RAB38: variants seen among roughly 807,000 people sequenced by gnomAD.
RAB38 encodes RAB38, member RAS oncogene family, also known as ras-related protein Rab-38.
RAB38 carries 15 observed loss-of-function variants against 18.4 expected under a neutral mutation model. The observed-to-expected ratio is 0.82, with a 90% CI of 0.55 to 1.26. RAB38 has a LOEUF of 1.26. RAB38 is among the 50% of genes most tolerant of loss of function. The pLI, the probability that RAB38 is intolerant of heterozygous loss-of-function variation, is 0.00. For synonymous variants in RAB38, 101 were observed against 104.4 expected (o/e 0.97, Z 0.20); for missense variants, 294 against 267.4 (o/e 1.10, Z -0.69).
the RAB38 span, among the ~76,000 whole-genome samples, chr11:87,829,664 C>T: frequency 6.6e-5 from 10 of 152,254 alleles, no homozygotes; most frequent in African/African-American, 2.4e-4. Context: ...GGTGGAGACA[C>T]AGGCTTAACT....
intron 2 of RAB38, among the ~76,000 whole-genome samples, chr11:88,134,700 T>C (rs929286111): frequency 1.1e-4 from 16 of 152,228 alleles, no homozygotes; most frequent in African/African-American, 3.9e-4. Flanking sequence ...CACAATCTCA[T>C]TCTTAAATAT....
Position 88,175,391 on chromosome 11 carries a change from G to T in RAB38, c.-7C>A, listed in dbSNP as rs775692511. On this transcript the variant is annotated 5_prime_UTR_variant, in exon 1 of 3. Coordinates refer to ENST00000243662, the MANE Select transcript of RAB38 (RefSeq NM_022337.3). ...CCTTGTGCGGGGCCTGCATCCTGGC[G>T]GCCGGCCAGACGTGCCGTGCCTGAC... The T allele has an allele frequency of 1.2e-6, 2 of 1,613,894 alleles. No individual in the cohort carries two copies. The highest frequency in any genetic ancestry group is 1.7e-6 in the Non-Finnish European group (2 of 1,180,002).
At chr11:88,115,554 A>C (rs905300663) in intron 2 of RAB38, 8 of 152,240 alleles carry the variant, frequency 5.3e-5, no homozygotes, top group Non-Finnish European at 7.3e-5. Flanking sequence ...AGACAAGTAT[A>C]GCCTAATTAT....
At chr11:87,942,954 TAATGCAGGGA>T in the RAB38 span, among the ~76,000 whole-genome samples, 1 of 152,162 alleles carries the variant, frequency 6.6e-6, no homozygotes, top group African/African-American at 2.4e-5. Context: ...TTTATTCCTT[TAATGCAGGGA>T]ACCTGGGAAC....
At chr11:87,848,413 T>C in the RAB38 span, among the ~76,000 whole-genome samples, 1 of 152,152 alleles carries the variant, frequency 6.6e-6, no homozygotes, top group African/African-American at 2.4e-5. Context: ...CCTCCTAAAA[T>C]ACTGGAAGTT....
chr11:87,808,398 A>G, the RAB38 span, among the ~76,000 whole-genome samples: 5,521 of 152,296 alleles, frequency 0.036, 145 homozygotes, highest in Non-Finnish European at 0.056. Context: ...ATATCCTGTT[A>G]TTTGTGACAA....
chr11:88,094,298 C>T, the RAB38 span, among the ~76,000 whole-genome samples: 3 of 151,928 alleles, frequency 2.0e-5, no homozygotes, highest in Non-Finnish European at 4.4e-5. Context: ...CTTGCCATCA[C>T]TCTCCAAGTC....
At chr11:87,834,519 G>A in the RAB38 span, among the ~76,000 whole-genome samples, 2 of 152,148 alleles carry the variant, frequency 1.3e-5, no homozygotes, top group Admixed American at 1.3e-4. Flanking sequence ...AGTTATGACT[G>A]GAAGTGGCAG....
At chr11:88,040,160 G>C in the RAB38 span, among the ~76,000 whole-genome samples, 8 of 152,168 alleles carry the variant, frequency 5.3e-5, no homozygotes, top group African/African-American at 1.9e-4. Flanking sequence ...ATAACAAAGT[G>C]CAACAGACTA....
At chr11:88,154,497 CA>C (rs1390246337) in intron 1 of RAB38, among the ~76,000 whole-genome samples, 2 of 152,184 alleles carry the variant, frequency 1.3e-5, no homozygotes, top group Non-Finnish European at 2.9e-5. Context: ...TGCAGGTGTC[CA>C]GCCTGCTCCC....
At chr11:87,915,793 T>C in the RAB38 span, among the ~76,000 whole-genome samples, 2 of 152,110 alleles carry the variant, frequency 1.3e-5, no homozygotes, top group East Asian at 3.9e-4. Flanking sequence ...AACCTTGTCT[T>C]GGGGTCTGAA....
chr11:88,154,187 G>A (rs930897862), intron 1 of RAB38, among the ~76,000 whole-genome samples: 2 of 152,196 alleles, frequency 1.3e-5, no homozygotes, highest in African/African-American at 4.8e-5. Flanking sequence ...AGGAAAAGAC[G>A]TGAGGAACAG....
chr11:87,928,118 G>GA, the RAB38 span, among the ~76,000 whole-genome samples: 3 of 151,736 alleles, frequency 2.0e-5, no homozygotes, highest in African/African-American at 7.3e-5. Flanking sequence ...AAGAAAGAAA[G>GA]AAGGAAGAGA....
chr11:87,855,012 G>A, the RAB38 span, among the ~76,000 whole-genome samples: 1 of 152,048 alleles, frequency 6.6e-6, no homozygotes, highest in African/African-American at 2.4e-5. Context: ...AGCCAGGATG[G>A]TCTCGATCTC....
chr11:87,918,909 T>A, the RAB38 span, among the ~76,000 whole-genome samples: 1 of 132,474 alleles, frequency 7.5e-6, no homozygotes, highest in Non-Finnish European at 1.6e-5. Context: ...CTTTTGTTGC[T>A]TGTGCTTTCT....
At chr11:87,964,683 C>T in the RAB38 span, among the ~76,000 whole-genome samples, 1 of 151,838 alleles carries the variant, frequency 6.6e-6, no homozygotes, top group Non-Finnish European at 1.5e-5. Flanking sequence ...CCGCTGTGGC[C>T]ACTTGGTGGT....
At chr11:87,937,311 CATATATATATAT>C in the RAB38 span, among the ~76,000 whole-genome samples, 250 of 82,684 alleles carry the variant, frequency 3.0e-3, 7 homozygotes, top group Admixed American at 1.7e-3. Context: ...ACTTGGTCAT[CATATATATATAT>C]ATATATATAT....
At chr11:87,896,270 G>C in the RAB38 span, among the ~76,000 whole-genome samples, 1 of 151,598 alleles carries the variant, frequency 6.6e-6, no homozygotes, top group Admixed American at 6.6e-5. Context: ...CATGCCAAGG[G>C]GCCATTCAAC....
At chr11:87,926,059 G>A in the RAB38 span, among the ~76,000 whole-genome samples, 2 of 151,704 alleles carry the variant, frequency 1.3e-5, no homozygotes, top group African/African-American at 4.8e-5. Flanking sequence ...GTGCTGCACC[G>A]AGAGACAGCC....
Sources: gnomAD v4.1 joint callset for allele counts (sites outside exome capture counted in the v4.1 genomes callset) on GRCh38, gnomAD v4.1.1 for gene constraint, MANE v1.5 for transcripts, NCBI Gene and HGNC (gene_info 2026-07-23, HGNC 2026-07-21) for gene names.